Variants in ATXN1 observed in about 807,000 individuals in gnomAD.
ATXN1 encodes ataxin-1.
ATXN1 carries 8 observed loss-of-function variants against 56.4 expected under a neutral mutation model. The ratio of observed to expected loss-of-function variants is 0.14; its 90% CI spans 0.08 to 0.26. ATXN1 has a LOEUF of 0.26. Among genes scored for constraint, ATXN1 ranks in the 10% least tolerant of loss-of-function variants. The probability of loss-of-function intolerance (pLI) is 1.00; values close to 1 mark genes in which losing one functional copy is unlikely to be tolerated. For missense variants in ATXN1, 987 were observed against 1,106.5 expected (o/e 0.89, Z 1.53); for synonymous variants, 514 against 494.6 (o/e 1.04, Z -0.52).
chr6:16,470,912 A>C (rs1276510213), intron 6 of ATXN1, among the ~76,000 whole-genome samples: 2 of 152,174 alleles, frequency 1.3e-5, no homozygotes, highest in Non-Finnish European at 1.5e-5. Context: ...GGTCTCTATC[A>C]GCTTAATGTG....
chr6:16,540,473 G>C (rs1042326015), intron 4 of ATXN1, among the ~76,000 whole-genome samples: 12 of 152,092 alleles, frequency 7.9e-5, no homozygotes, highest in African/African-American at 2.9e-4. Flanking sequence ...CAGCCTCCCA[G>C]AGTGCTGGGA....
chr6:16,630,896 T>C (rs913446318), intron 3 of ATXN1, among the ~76,000 whole-genome samples: 5 of 152,212 alleles, frequency 3.3e-5, no homozygotes, highest in African/African-American at 1.2e-4. Context: ...GGCTCATGTG[T>C]CTGCCAGAAA....
intron 2 of ATXN1, among the ~76,000 whole-genome samples, chr6:16,686,969 T>C (rs1395719223): frequency 9.9e-5 from 15 of 152,216 alleles, no homozygotes; most frequent in Non-Finnish European, 1.9e-4. Flanking sequence ...GTGTTTACAA[T>C]GACACTATAA....
intron 3 of ATXN1, among the ~76,000 whole-genome samples, chr6:16,621,192 T>C (rs1383115153): frequency 6.6e-6 from 1 of 152,110 alleles, no homozygotes; most frequent in Non-Finnish European, 1.5e-5. Flanking sequence ...CACATGCATT[T>C]AGGAGATAAC....
At chr6:16,663,750 G>A (rs770594627) in intron 2 of ATXN1, among the ~76,000 whole-genome samples, 3 of 151,728 alleles carry the variant, frequency 2.0e-5, no homozygotes, top group South Asian at 2.1e-4. Flanking sequence ...CGGCAACCTC[G>A]AACTCCTCAA....
chr6:16,756,402 T>C (rs1463118876), intron 1 of ATXN1, among the ~76,000 whole-genome samples: 1 of 152,166 alleles, frequency 6.6e-6, no homozygotes, highest in Non-Finnish European at 1.5e-5. Context: ...CTTAAAATTC[T>C]TATCTTAGAA....
At chr6:16,534,883 A>G (rs1218802929) in intron 4 of ATXN1, among the ~76,000 whole-genome samples, 2 of 152,240 alleles carry the variant, frequency 1.3e-5, no homozygotes. Flanking sequence ...AGGTCGCACC[A>G]GCCCTTCTGT....
At chr6:16,525,697 G>T (rs1413047977) in intron 4 of ATXN1, among the ~76,000 whole-genome samples, 1 of 152,036 alleles carries the variant, frequency 6.6e-6, no homozygotes, top group Non-Finnish European at 1.5e-5. Flanking sequence ...ATGGATAAAT[G>T]CTTGAGTGGA....
At chr6:16,580,818 A>T (rs1762514965) in intron 4 of ATXN1, among the ~76,000 whole-genome samples, 1 of 152,204 alleles carries the variant, frequency 6.6e-6, no homozygotes, top group South Asian at 2.1e-4. Context: ...TTTCCTAAAA[A>T]AATCATTAAA....
At chr6:16,663,756 C>T (rs1181543016) in intron 2 of ATXN1, among the ~76,000 whole-genome samples, 3 of 152,008 alleles carry the variant, frequency 2.0e-5, no homozygotes, top group Non-Finnish European at 4.4e-5. Context: ...CCTCGAACTC[C>T]TCAACTCAAG....
chr6:16,556,809 TATAAC>T (rs1439365310), intron 4 of ATXN1, among the ~76,000 whole-genome samples: 1 of 152,152 alleles, frequency 6.6e-6, no homozygotes, highest in Admixed American at 6.5e-5. Context: ...ATATAAAAAT[TATAAC>T]AGGCAGAAAA....
chr6:16,444,746 C>T (rs975092255), intron 6 of ATXN1, among the ~76,000 whole-genome samples: 1 of 152,234 alleles, frequency 6.6e-6, no homozygotes, highest in African/African-American at 2.4e-5. Context: ...TAGACTACCA[C>T]TATTTGCAAT....
intron 6 of ATXN1, among the ~76,000 whole-genome samples, chr6:16,392,092 G>A (rs937729226): frequency 5.9e-5 from 9 of 152,344 alleles, no homozygotes; most frequent in Non-Finnish European, 8.8e-5. Context: ...TCTTCTCAGA[G>A]GTGGTCAAGA....
At chr6:16,318,537 T>C (rs535027149) in intron 7 of ATXN1, among the ~76,000 whole-genome samples, 4 of 152,268 alleles carry the variant, frequency 2.6e-5, no homozygotes, top group East Asian at 3.9e-4. Flanking sequence ...GAGAGACCCA[T>C]TTACTGCAAT....
At chr6:16,758,816 T>C (rs999156175) in intron 1 of ATXN1, among the ~76,000 whole-genome samples, 4 of 152,220 alleles carry the variant, frequency 2.6e-5, no homozygotes, top group Non-Finnish European at 4.4e-5. Flanking sequence ...TTCAAGTCCA[T>C]TTATTTGCGG....
At chr6:16,687,927 G>A (rs1402387289) in intron 2 of ATXN1, among the ~76,000 whole-genome samples, 1 of 152,134 alleles carries the variant, frequency 6.6e-6, no homozygotes, top group Non-Finnish European at 1.5e-5. Context: ...AAGGCATAAA[G>A]AAACTATACT....
At chr6:16,478,824 T>C (rs368021936) in intron 6 of ATXN1, among the ~76,000 whole-genome samples, 8 of 152,280 alleles carry the variant, frequency 5.3e-5, no homozygotes, top group African/African-American at 1.7e-4. Context: ...AACCATTTTA[T>C]CAAGAGCATT....
chr6:16,332,124 C>T (rs893321440), intron 6 of ATXN1, among the ~76,000 whole-genome samples: 1 of 152,230 alleles, frequency 6.6e-6, no homozygotes. Context: ...AGTTTCCACC[C>T]ATCCTCCTCC....
intron 6 of ATXN1, among the ~76,000 whole-genome samples, chr6:16,481,824 C>T (rs1478857786): frequency 2.0e-5 from 3 of 152,046 alleles, no homozygotes; most frequent in Non-Finnish European, 2.9e-5. Flanking sequence ...GAAATATGAA[C>T]GTAAGCAGTG....
Sources: allele counts gnomAD v4.1 joint callset (sites outside exome capture counted in the v4.1 genomes callset), GRCh38; gene constraint gnomAD v4.1.1; transcripts MANE v1.5; gene names NCBI Gene and HGNC (gene_info 2026-07-23, HGNC 2026-07-21).